Variants in TJP2 observed in about 807,000 individuals in gnomAD.
The protein encoded by TJP2 is Friedreich ataxia region gene X104 (tight junction protein ZO-2).
In TJP2, 91 loss-of-function variants were observed where a neutral mutation model predicts 133.1. That is an observed-to-expected ratio of 0.68 (90% confidence interval 0.58 to 0.81). The LOEUF is 0.81. Among genes scored for constraint, TJP2 ranks in the 40% least tolerant of loss-of-function variants. The pLI is 0.00. For missense variants in TJP2, 1,541 were observed against 1,565.6 expected, an observed-to-expected ratio of 0.98 and a Z score of 0.26; for synonymous variants, 592 against 583.4, an observed-to-expected ratio of 1.01 and a Z score of -0.21.
At chr9:69,191,225 G>C (rs975243338) in intron 1 of TJP2, among the ~76,000 whole-genome samples, 3 of 129,972 alleles carry the variant, frequency 2.3e-5, no homozygotes, top group Admixed American at 7.3e-5. Flanking sequence ...CTCCGTGTTA[G>C]GTGGTGACCA....
At chr9:69,229,162 G>A (rs1563936264) in intron 9 of TJP2, 22 bp from the exon 10 acceptor site, 4 of 1,611,074 alleles carry the variant, frequency 2.5e-6, no homozygotes, top group Non-Finnish European at 3.4e-6. Context: ...ATTGATAACA[G>A]TAGATGTTTC....
chr9:69,203,606 G>GTTTTTT (rs1330482251), intron 1 of TJP2, among the ~76,000 whole-genome samples: 3 of 57,578 alleles, frequency 5.2e-5, no homozygotes, highest in Admixed American at 2.2e-4. Flanking sequence ...GCCCAGCCTG[G>GTTTTTT]ATTTTTTTTT....
At chr9:69,128,616 G>C (rs1822355111) in intron 1 of TJP2, among the ~76,000 whole-genome samples, 2 of 151,212 alleles carry the variant, frequency 1.3e-5, no homozygotes, top group Admixed American at 6.6e-5. Flanking sequence ...TCTGCCTTCC[G>C]GGTTCACACC....
chr9:69,253,951 C>A, intron 22 of TJP2: 1 of 524,252 alleles, frequency 1.9e-6, no homozygotes, highest in South Asian at 2.0e-5. Context: ...AAGGAGGGCA[C>A]CCCCTGTCCA....
chr9:69,151,890 T>A, intron 2 of TJP2: 1 of 1,017,128 alleles, frequency 9.8e-7, no homozygotes. Flanking sequence ...ATGTTGCTGA[T>A]ATATACATTT....
At chr9:69,203,607 A>ATTTT (rs754221310) in intron 1 of TJP2, among the ~76,000 whole-genome samples, 703 of 67,804 alleles carry the variant, frequency 0.01, 82 homozygotes, top group African/African-American at 0.027. Flanking sequence ...CCCAGCCTGG[A>ATTTT]TTTTTTTTTT....
At chr9:69,233,547 C>T (rs568533045) in intron 11 of TJP2, among the ~76,000 whole-genome samples, 1 of 152,120 alleles carries the variant, frequency 6.6e-6, no homozygotes, top group African/African-American at 2.4e-5. Context: ...CCTAGGTGGG[C>T]GGATCACCTG....
At chr9:69,175,320 T>A (rs1308230220) in intron 1 of TJP2, among the ~76,000 whole-genome samples, 1 of 152,200 alleles carries the variant, frequency 6.6e-6, no homozygotes, top group Non-Finnish European at 1.5e-5. Context: ...TCACTCACGC[T>A]CTCAGCCCGG....
intron 2 of TJP2, among the ~76,000 whole-genome samples, chr9:69,214,573 A>G (rs1828202860): frequency 6.6e-6 from 1 of 152,152 alleles, no homozygotes; most frequent in Non-Finnish European, 1.5e-5. Flanking sequence ...TTTTATCTTT[A>G]AAATCCAGTT....
chr9:69,134,695 G>A (rs1822648345), intron 1 of TJP2, among the ~76,000 whole-genome samples: 1 of 152,228 alleles, frequency 6.6e-6, no homozygotes, highest in South Asian at 2.1e-4. Context: ...AGACCTGTCT[G>A]AGCTGGGCCT....
intron 17 of TJP2, among the ~76,000 whole-genome samples, chr9:69,245,974 G>A (rs1009795060): frequency 6.6e-6 from 1 of 152,182 alleles, no homozygotes; most frequent in Non-Finnish European, 1.5e-5. Context: ...AACTAGCCGT[G>A]TATAGGAAAT....
Position 69,236,110 on chromosome 9 carries a change from G to A in TJP2, c.1863G>A (p.Gln621=). The A allele has an allele frequency of 1.2e-6, 2 of 1,614,188 alleles. No individual in the cohort carries two copies. Among genetic ancestry groups the A allele is most frequent in the Non-Finnish European group, 1.7e-6 (2 of 1,180,034 alleles). ...TTGAATGTGAGAAGGAAACTCCACA[G>A]AGCCTGGCCTTCACCAGAGGGGAGG... is the stretch of plus-strand genomic sequence containing the variant. The part of the protein sequence containing the change: ...SHFECEKETP[Q]SLAFTRGEVF... The change falls in exon 13 of 23, where the codon CAG becomes CAA. Residue 621 remains glutamine (Q), a synonymous_variant. Coordinates refer to ENST00000377245, the MANE Select transcript of TJP2 (RefSeq NM_004817.4).
At position 69,237,988 on chromosome 9, in the gene TJP2, G is replaced by GTT. The variant is rs749189119; in HGVS notation, c.2275+23_2275+24dup. ...TCAAACTGCTAGTAAGTCTGTCAGT[G>GTT]TTTTTTTTTCCCCCAAATTTTTATT... On this transcript the variant is annotated intron_variant, in intron 15 of 22. Transcript: ENST00000377245. 48 of 1,576,074 alleles carry GTT rather than the reference G, an allele frequency of 3.0e-5. No individual in the cohort carries two copies. The East Asian group carries it at 1.0e-3, about 33-fold the overall frequency.
chr9:69,233,822 T>A (rs952964072), intron 11 of TJP2, among the ~76,000 whole-genome samples: 4 of 152,186 alleles, frequency 2.6e-5, no homozygotes, highest in African/African-American at 4.8e-5. Context: ...TGTCTTGTTC[T>A]TTGTGCTACA....
chr9:69,171,976 T>C (rs1824711002), upstream of TJP2, among the ~76,000 whole-genome samples: 1 of 152,058 alleles, frequency 6.6e-6, no homozygotes, highest in Admixed American at 6.5e-5. Flanking sequence ...TTGTTATTTT[T>C]AGTAGAGACG....
At chr9:69,213,246 A>G (rs1009887222) in intron 2 of TJP2, among the ~76,000 whole-genome samples, 3 of 152,072 alleles carry the variant, frequency 2.0e-5, no homozygotes, top group Non-Finnish European at 4.4e-5. Flanking sequence ...TATTTTTAAT[A>G]GAGACGGGGT....
At chr9:69,171,589 A>C (rs1459946583), upstream of TJP2, among the ~76,000 whole-genome samples, 1 of 152,072 alleles carries the variant, frequency 6.6e-6, no homozygotes, top group African/African-American at 2.4e-5. Flanking sequence ...AGAATGTATA[A>C]GCAACCCCAT....
At chr9:69,184,373 C>T (rs1026020116) in intron 1 of TJP2, among the ~76,000 whole-genome samples, 2 of 152,226 alleles carry the variant, frequency 1.3e-5, no homozygotes, top group African/African-American at 2.4e-5. Flanking sequence ...CTTGACCTTC[C>T]ACCTTCTCAG....
At chr9:69,143,004 T>C (rs903112430) in intron 1 of TJP2, among the ~76,000 whole-genome samples, 1 of 152,222 alleles carries the variant, frequency 6.6e-6, no homozygotes, top group Non-Finnish European at 1.5e-5. Context: ...TCCTGTGTTA[T>C]TAACCTTATG....
Sources: allele counts gnomAD v4.1 joint callset (sites outside exome capture counted in the v4.1 genomes callset), GRCh38; gene constraint gnomAD v4.1.1; transcripts MANE v1.5; gene names NCBI Gene and HGNC (gene_info 2026-07-23, HGNC 2026-07-21).